Variants in RAP1A observed in about 807,000 individuals in gnomAD.
RAP1A encodes RAP1A, member of RAS oncogene family.
Under a neutral mutation model 26.4 loss-of-function variants are expected in RAP1A, and 6 were observed. That is an observed-to-expected ratio of 0.23 (90% CI 0.12 to 0.45). The LOEUF is 0.45. Ranked by LOEUF, RAP1A falls within the 20% of genes least tolerant of loss-of-function variation. RAP1A has a pLI of 0.99. For synonymous variants in RAP1A, 73 were observed against 79.4 expected (o/e 0.92, Z 0.43); for missense variants, 121 against 217.2 (o/e 0.56, Z 2.78).
At chr1:111,622,112 G>T (rs1418777595) in intron 1 of RAP1A, among the ~76,000 whole-genome samples, 2 of 152,178 alleles carry the variant, frequency 1.3e-5, no homozygotes, top group African/African-American at 2.4e-5. Context: ...ACTGAAAAAG[G>T]TTAGAAGTGA....
rs772569855 is a variant in RAP1A at position 111,674,472 on chromosome 1, A to G, written c.-27-16862A>G. Among the ~76,000 whole-genome samples, 8 of 152,172 alleles carry G rather than the reference A, an allele frequency of 5.3e-5. No individual in the cohort carries two copies. In the East Asian group the frequency reaches 5.8e-4, roughly 11 times the overall value. On this transcript the variant is annotated intron_variant, in intron 1 of 7. Transcript: ENST00000369709. ...GACCTCATCCACTGCTATGGTTTCA[A>G]TGCTACCATCTTGACCACCATTGAC...
intron 1 of RAP1A, among the ~76,000 whole-genome samples, chr1:111,635,749 A>G (rs80332872): frequency 6.6e-6 from 1 of 151,992 alleles, no homozygotes; most frequent in East Asian, 1.9e-4. Context: ...TATTTTTAGT[A>G]GAGATGGAGT....
At chr1:111,597,909 C>A (rs114277732) in intron 1 of RAP1A, among the ~76,000 whole-genome samples, 1 of 152,100 alleles carries the variant, frequency 6.6e-6, no homozygotes, top group African/African-American at 2.4e-5. Flanking sequence ...TAAGACTCCT[C>A]GTTGAGAACA....
At chr1:111,662,277 C>T (rs377031771) in intron 1 of RAP1A, among the ~76,000 whole-genome samples, 4 of 151,730 alleles carry the variant, frequency 2.6e-5, no homozygotes, top group African/African-American at 7.3e-5. Flanking sequence ...TGCCTGTAGT[C>T]CCAGCTACTC....
At chr1:111,578,780 GCTCAGTCCCACAAAACTGCT>G (rs1390135894) in intron 1 of RAP1A, among the ~76,000 whole-genome samples, 3 of 152,070 alleles carry the variant, frequency 2.0e-5, no homozygotes, top group African/African-American at 7.2e-5. Flanking sequence ...GTGGTTGTGG[GCTCAGTCCCACAAAACTGCT>G]CTCACTTCAG....
chr1:111,566,688 G>C (rs754582417), intron 1 of RAP1A, among the ~76,000 whole-genome samples: 20 of 152,058 alleles, frequency 1.3e-4, no homozygotes, highest in South Asian at 1.0e-3. Flanking sequence ...TGATGGTTAA[G>C]TGACAAGATT....
chr1:111,649,551 CTCT>C, intron 1 of RAP1A: 1 of 252,044 alleles, frequency 4.0e-6, no homozygotes, highest in Non-Finnish European at 8.1e-6. Flanking sequence ...AGCTCATGCT[CTCT>C]GGGGAGGAGA....
chr1:111,618,533 C>T (rs1397579969), upstream of RAP1A, among the ~76,000 whole-genome samples: 1 of 152,174 alleles, frequency 6.6e-6, no homozygotes, highest in Non-Finnish European at 1.5e-5. Context: ...AGACTTAAGA[C>T]TTAAAAAGTA....
At chr1:111,709,383 T>C in intron 7 of RAP1A, 119 bp downstream of exon 7, 4 of 1,185,716 alleles carry the variant, frequency 3.4e-6, no homozygotes, top group Non-Finnish European at 4.5e-6. Context: ...AACTTGTAAA[T>C]GTGATATATA....
intron 1 of RAP1A, chr1:111,563,933 C>A (rs1657850003): frequency 6.2e-6 from 10 of 1,613,818 alleles, no homozygotes; most frequent in Non-Finnish European, 8.5e-6. Context: ...CTCAATGGGT[C>A]CTGCTGGAGA....
At chr1:111,564,734 G>A (rs771769685) in intron 1 of RAP1A, among the ~76,000 whole-genome samples, 2 of 150,920 alleles carry the variant, frequency 1.3e-5, no homozygotes, top group Non-Finnish European at 1.5e-5. Context: ...GGATGGTCTC[G>A]ATCTCCTGAC....
intron 1 of RAP1A, among the ~76,000 whole-genome samples, chr1:111,571,391 C>A (rs938822981): frequency 1.3e-5 from 2 of 152,134 alleles, no homozygotes; most frequent in Non-Finnish European, 2.9e-5. Context: ...TTCTGAAGTT[C>A]AGGGGATGGG....
intron 1 of RAP1A, among the ~76,000 whole-genome samples, chr1:111,607,089 T>C (rs1051765862): frequency 1.3e-4 from 19 of 151,008 alleles, no homozygotes; most frequent in Admixed American, 4.0e-4. Flanking sequence ...GGCAGGGTCA[T>C]AGGACAATAG....
chr1:111,659,536 A>G (rs1295668842), intron 1 of RAP1A, among the ~76,000 whole-genome samples: 1 of 142,192 alleles, frequency 7.0e-6, no homozygotes, highest in African/African-American at 2.6e-5. Context: ...TCTTATTATT[A>G]TACCTTAAGT....
At chr1:111,701,539 C>T (rs1662023011) in intron 4 of RAP1A, among the ~76,000 whole-genome samples, 1 of 152,154 alleles carries the variant, frequency 6.6e-6, no homozygotes, top group Non-Finnish European at 1.5e-5. Flanking sequence ...TTTTGCCTCT[C>T]ATGATCACTA....
chr1:111,569,771 G>A (rs113427340), intron 1 of RAP1A, among the ~76,000 whole-genome samples: 153 of 152,142 alleles, frequency 1.0e-3, no homozygotes, highest in African/African-American at 3.5e-3. Flanking sequence ...ATAGTGTTTG[G>A]TATACATGTA....
chr1:111,577,026 G>A (rs1658159518), intron 1 of RAP1A, among the ~76,000 whole-genome samples: 1 of 152,160 alleles, frequency 6.6e-6, no homozygotes, highest in Non-Finnish European at 1.5e-5. Context: ...GTTCCATGGG[G>A]CAATCAGATG....
intron 1 of RAP1A, among the ~76,000 whole-genome samples, chr1:111,673,355 A>G (rs1661031082): frequency 6.6e-6 from 1 of 152,218 alleles, no homozygotes; most frequent in Non-Finnish European, 1.5e-5. Flanking sequence ...TCTGATCACT[A>G]AATTTCCTTT....
chr1:111,542,087 T>A (rs1295075081), upstream of RAP1A: 2 of 2,682 alleles, frequency 7.5e-4, no homozygotes, highest in African/African-American at 1.8e-3. Flanking sequence ...CAAAGAAGCT[T>A]TTTTTTTTTT....
Sources: gnomAD v4.1 joint callset for allele counts (sites outside exome capture counted in the v4.1 genomes callset) on GRCh38, gnomAD v4.1.1 for gene constraint, MANE v1.5 for transcripts, NCBI Gene and HGNC (gene_info 2026-07-23, HGNC 2026-07-21) for gene names.